Variants in PSPH observed in about 807,000 individuals in gnomAD.
PSPH encodes the protein L-3-phosphoserine phosphatase.
Under a neutral mutation model 23.4 loss-of-function variants are expected in PSPH, and 16 were observed. The ratio of observed to expected loss-of-function variants is 0.68; its 90% confidence interval spans 0.46 to 1.04. PSPH has a LOEUF of 1.04. Among genes scored for constraint, PSPH ranks in the 50% least tolerant of loss-of-function variants. The pLI is 0.00. For missense variants in PSPH, 223 were observed against 273.7 expected, an observed-to-expected ratio of 0.81 and a Z score of 1.31; for synonymous variants, 68 against 99.7, an observed-to-expected ratio of 0.68 and a Z score of 1.89.
intron 3 of PSPH, among the ~76,000 whole-genome samples, chr7:56,030,987 G>T (rs958333918): frequency 2.6e-5 from 4 of 151,866 alleles, no homozygotes; most frequent in African/African-American, 9.7e-5. Context: ...TGAGGCGGGT[G>T]GATCATGAGG....
chr7:56,043,914 C>T (rs1018804320), intron 1 of PSPH, among the ~76,000 whole-genome samples: 2 of 152,042 alleles, frequency 1.3e-5, no homozygotes, highest in Non-Finnish European at 2.9e-5. Flanking sequence ...AGGCTACAAA[C>T]GATAGTTTTG....
chr7:56,035,623 A>G (rs1361833431), intron 1 of PSPH, among the ~76,000 whole-genome samples: 2 of 149,892 alleles, frequency 1.3e-5, no homozygotes, highest in Non-Finnish European at 3.0e-5. Context: ...CCAAAACACA[A>G]TTTTTTTTTC....
rs999901113 is a variant in PSPH at position 56,011,129 on chromosome 7, G to C, written c.*633C>G. 1 of 151,574 alleles carries C rather than the reference G, an allele frequency of 6.6e-6. No homozygotes were observed. The highest frequency in any genetic ancestry group is 6.6e-5 in the Admixed American group (1 of 15,188). The allele number at this position is 151,574 out of a possible 1,614,324, so 9.4% of individuals were successfully genotyped here. On this transcript the variant is annotated 3_prime_UTR_variant, in exon 8 of 8. Transcript: ENST00000275605. ...AAACCAATATTCACTGAAGGCTGCC[G>C]AATCCGTATTTCTAAGAGTAAAGGT...
At chr7:56,029,866 C>T (rs745485537) in intron 3 of PSPH, among the ~76,000 whole-genome samples, 8 of 150,306 alleles carry the variant, frequency 5.3e-5, no homozygotes, top group Middle Eastern at 3.5e-3. Context: ...TATAGCCGGG[C>T]GTGGGGAGGC....
intron 6 of PSPH, 94 bp from the exon 7 acceptor site, chr7:56,015,265 C>G: frequency 6.9e-7 from 1 of 1,455,054 alleles, no homozygotes; most frequent in Non-Finnish European, 9.6e-7. Flanking sequence ...TTAAATGTCA[C>G]TGAGAAGGCT....
chr7:56,044,141 C>T (rs1562831275), intron 1 of PSPH, among the ~76,000 whole-genome samples: 2 of 152,064 alleles, frequency 1.3e-5, no homozygotes, highest in Non-Finnish European at 2.9e-5. Flanking sequence ...GGGGTTTCTC[C>T]ATGTTGGTAA....
At chr7:56,039,404 G>C (rs1325112680) in intron 1 of PSPH, among the ~76,000 whole-genome samples, 1 of 152,104 alleles carries the variant, frequency 6.6e-6, no homozygotes, top group African/African-American at 2.4e-5. Context: ...TAGGATGGTA[G>C]GTATACGGAT....
chr7:56,040,609 T>C (rs1397928738), intron 1 of PSPH, among the ~76,000 whole-genome samples: 1 of 152,114 alleles, frequency 6.6e-6, no homozygotes, highest in South Asian at 2.1e-4. Context: ...TTTGACTGAA[T>C]TGTCCCCTTC....
intron 7 of PSPH, among the ~76,000 whole-genome samples, chr7:56,014,497 G>A (rs376472957): frequency 1.3e-5 from 2 of 152,094 alleles, no homozygotes; most frequent in Non-Finnish European, 2.9e-5. Flanking sequence ...TATGTAGTTC[G>A]AAATCAGCTG....
intron 1 of PSPH, among the ~76,000 whole-genome samples, chr7:56,037,706 ATT>A (rs71015167): frequency 1.4e-3 from 162 of 115,274 alleles, no homozygotes; most frequent in East Asian, 0.012. Flanking sequence ...AAGCTAACAA[ATT>A]TTTTTTTTTT....
At chr7:56,038,331 C>T (rs1270714255) in intron 1 of PSPH, among the ~76,000 whole-genome samples, 6 of 149,656 alleles carry the variant, frequency 4.0e-5, no homozygotes, top group African/African-American at 1.5e-4. Context: ...TAGTGGTGGG[C>T]GCCTGCAGTC....
At chr7:56,025,871 AG>A (rs1790118303) in intron 3 of PSPH, among the ~76,000 whole-genome samples, 1 of 152,162 alleles carries the variant, frequency 6.6e-6, no homozygotes, top group African/African-American at 2.4e-5. Flanking sequence ...CTGGGATTAT[AG>A]GCATGAGCCA....
intron 1 of PSPH, among the ~76,000 whole-genome samples, chr7:56,036,980 C>T (rs2117014244): frequency 1.3e-5 from 2 of 152,174 alleles, no homozygotes; most frequent in East Asian, 3.9e-4. Context: ...TTGAGACCAG[C>T]CTGGCCAACA....
At chr7:56,019,809 C>G in intron 4 of PSPH, 75 bp from the exon 5 acceptor site, 1 of 1,587,024 alleles carries the variant, frequency 6.3e-7, no homozygotes, top group Non-Finnish European at 8.6e-7. Context: ...TGCCCCGGGT[C>G]TGCACGACAT....
At chr7:56,017,121 A>C (rs1001238133) in intron 6 of PSPH, 113 bp downstream of exon 6, 2 of 1,537,256 alleles carry the variant, frequency 1.3e-6, no homozygotes, top group Admixed American at 1.8e-5. Context: ...AGAACCATTC[A>C]TCTCAATATT....
intron 3 of PSPH, among the ~76,000 whole-genome samples, chr7:56,027,211 CAAAA>C (rs11322718): frequency 2.6e-5 from 3 of 115,440 alleles, no homozygotes. Context: ...GTCTCAAAAA[CAAAA>C]AAAAAAAAAA....
In PSPH at chr7:56,049,901, A is replaced by G. The variant is rs1410005247; in HGVS notation, c.-292+1237T>C. On this transcript the variant is annotated intron_variant, in intron 1 of 7. Transcript: ENST00000275605. ...GATCACAGATGCACACCACCAGGCC[A>G]GGCTGATGTATTTTTACAGAGACGG... 2.0e-5 allele frequency among the ~76,000 whole-genome samples: 3 copies of G among 150,874 alleles called. No homozygotes were observed. The East Asian group carries it at 6.0e-4, about 30-fold the overall frequency.
At chr7:56,011,906 TTTTA>T (rs1554346172) in intron 7 of PSPH, 37 bp from the exon 8 acceptor site, 44 of 1,503,466 alleles carry the variant, frequency 2.9e-5, no homozygotes, top group East Asian at 7.2e-5. Flanking sequence ...TGATTTTTAT[TTTTA>T]TTTATTTATT....
chr7:56,037,831 G>A (rs1472534966), intron 1 of PSPH, among the ~76,000 whole-genome samples: 1 of 149,346 alleles, frequency 6.7e-6, no homozygotes, highest in East Asian at 2.0e-4. Context: ...TCCTGCCTCA[G>A]CCTCCCAAGT....
Sources: gnomAD v4.1 joint callset for allele counts (sites outside exome capture counted in the v4.1 genomes callset) on GRCh38, gnomAD v4.1.1 for gene constraint, MANE v1.5 for transcripts, NCBI Gene and HGNC (gene_info 2026-07-23, HGNC 2026-07-21) for gene names.